The following LARP4B variants were observed in gnomAD, a reference collection of about 807,000 sequenced individuals.
LARP4B encodes la-related protein 4B.
In LARP4B, 12 loss-of-function variants were observed where a neutral mutation model predicts 89.8. The ratio of observed to expected loss-of-function variants is 0.13; its 90% confidence interval spans 0.09 to 0.22. The LOEUF (loss-of-function observed/expected upper bound fraction) is 0.22, where lower values mean the gene tolerates loss of function less well. Among genes scored for constraint, LARP4B ranks in the 10% least tolerant of loss-of-function variants. The pLI is 1.00. For missense variants in LARP4B, 757 were observed against 947.7 expected, an observed-to-expected ratio of 0.80 and a Z score of 2.64; for synonymous variants, 367 against 363.3, an observed-to-expected ratio of 1.01 and a Z score of -0.12.
At chr10:932,240 C>T (rs1438589643), upstream of LARP4B, among the ~76,000 whole-genome samples, 1 of 144,290 alleles carries the variant, frequency 6.9e-6, no homozygotes, top group East Asian at 2.1e-4. Context: ...ACCCAGGACA[C>T]GCCCTGGCCC....
At chr10:875,749 G>A (rs1290872312) in intron 3 of LARP4B, among the ~76,000 whole-genome samples, 1 of 152,170 alleles carries the variant, frequency 6.6e-6, no homozygotes, top group Non-Finnish European at 1.5e-5. Flanking sequence ...AGAGCCTGGT[G>A]TCCTTATCAC....
chr10:907,902 C>T (rs112691179), intron 1 of LARP4B, among the ~76,000 whole-genome samples: 10,405 of 152,204 alleles, frequency 0.068, 499 homozygotes, highest in Middle Eastern at 0.19. Flanking sequence ...GCCTATGTAA[C>T]GGAGTTTCCA....
chr10:962,261 G>A, the LARP4B span, among the ~76,000 whole-genome samples: 6 of 140,820 alleles, frequency 4.3e-5, no homozygotes, highest in Non-Finnish European at 7.5e-5. Flanking sequence ...ACACCATTGG[G>A]ACTCCAGCCT....
the LARP4B span, among the ~76,000 whole-genome samples, chr10:951,565 G>T: frequency 6.6e-6 from 1 of 152,036 alleles, no homozygotes; most frequent in Non-Finnish European, 1.5e-5. Flanking sequence ...AGTCCACTCT[G>T]CAGAGATGGC....
the LARP4B span, chr10:972,552 G>C: frequency 2.2e-6 from 1 of 457,242 alleles, no homozygotes; most frequent in South Asian, 1.5e-5. Flanking sequence ...GTAGAAGCCA[G>C]AGGAAGACAG....
chr10:948,763 T>G, the LARP4B span, among the ~76,000 whole-genome samples: 2 of 152,250 alleles, frequency 1.3e-5, no homozygotes, highest in African/African-American at 4.8e-5. Context: ...TGTACCACCT[T>G]TTGGTCTGGA....
intron 5 of LARP4B, among the ~76,000 whole-genome samples, chr10:846,792 C>T (rs917165161): frequency 6.6e-6 from 1 of 152,042 alleles, no homozygotes; most frequent in Non-Finnish European, 1.5e-5. Flanking sequence ...GTGCCGAAGC[C>T]ACAAGGGAAG....
chr10:958,385 C>T, the LARP4B span, among the ~76,000 whole-genome samples: 1 of 152,228 alleles, frequency 6.6e-6, no homozygotes, highest in East Asian at 1.9e-4. Flanking sequence ...AGTGCCTTGG[C>T]ACGCACCACT....
At chr10:983,575 T>G in the LARP4B span, among the ~76,000 whole-genome samples, 1 of 152,170 alleles carries the variant, frequency 6.6e-6, no homozygotes. Context: ...CTCTCCTTGG[T>G]GCAAGCATGG....
intron 1 of LARP4B, among the ~76,000 whole-genome samples, chr10:922,680 T>TA (rs1837013160): frequency 1.1e-5 from 1 of 87,092 alleles, no homozygotes; most frequent in Non-Finnish European, 2.7e-5. Context: ...GTCTGTTAAA[T>TA]AAATAAATAA....
chr10:942,901 C>T, the LARP4B span, among the ~76,000 whole-genome samples: 1 of 151,936 alleles, frequency 6.6e-6, no homozygotes. Flanking sequence ...CTGGGCCCTC[C>T]AGCCTCACTC....
At chr10:820,677 C>T (rs147045440) in intron 14 of LARP4B, 123 bp downstream of exon 14, 60 of 873,098 alleles carry the variant, frequency 6.9e-5, no homozygotes, top group African/African-American at 5.2e-4. Context: ...GTGGATTTCA[C>T]GTTACAAGTC....
chr10:821,875 G>A (rs1027182900), intron 13 of LARP4B, among the ~76,000 whole-genome samples: 1 of 152,226 alleles, frequency 6.6e-6, no homozygotes, highest in South Asian at 2.1e-4. Flanking sequence ...GTGCCTTGCG[G>A]AGACTGCAGG....
intron 3 of LARP4B, among the ~76,000 whole-genome samples, chr10:872,628 A>G (rs1321803915): frequency 6.6e-6 from 1 of 152,168 alleles, no homozygotes; most frequent in Non-Finnish European, 1.5e-5. Flanking sequence ...TCTACTAAAG[A>G]GTTTTTACAA....
intron 1 of LARP4B, among the ~76,000 whole-genome samples, chr10:904,792 A>T (rs1205470757): frequency 2.0e-5 from 3 of 152,068 alleles, no homozygotes; most frequent in Non-Finnish European, 4.4e-5. Context: ...ATGCTATGTC[A>T]TGTTCTTTAC....
chr10:935,722 CTTTTTTTTTT>C (rs10711022), upstream of LARP4B, among the ~76,000 whole-genome samples: 5 of 83,906 alleles, frequency 6.0e-5, no homozygotes, highest in South Asian at 9.9e-4. Flanking sequence ...CTTTTCTTTT[CTTTTTTTTTT>C]TTTTTTTTTT....
At chr10:895,611 T>G (rs1177889178) in intron 1 of LARP4B, among the ~76,000 whole-genome samples, 3 of 149,750 alleles carry the variant, frequency 2.0e-5, no homozygotes, top group African/African-American at 7.4e-5. Flanking sequence ...AGGTGGAGAT[T>G]GCAGTGAGCT....
rs1177272683 is a variant in LARP4B at position 866,373 on chromosome 10, T to C, written c.142-2103A>G. Among the ~76,000 whole-genome samples, 2 of 152,210 alleles carry C rather than the reference T, an allele frequency of 1.3e-5. 1 individual carries two copies. The highest frequency in any genetic ancestry group is 2.9e-5 in the Non-Finnish European group (2 of 68,038). ...TGCCCTCTTCTCTCTCATCCACCCATCTGTCCAACAAGTGCCTCTGACATG... is the reference window on the plus strand; with the variant it reads ...TGCCCTCTTCTCTCTCATCCACCCACCTGTCCAACAAGTGCCTCTGACATG... On this transcript the variant is annotated intron_variant, in intron 3 of 17. Transcript: ENST00000316157.
the LARP4B span, among the ~76,000 whole-genome samples, chr10:983,272 A>C: frequency 6.6e-6 from 1 of 152,184 alleles, no homozygotes; most frequent in African/African-American, 2.4e-5. Context: ...GGAAACATTT[A>C]ATTGTCAAAT....
Sources: allele counts gnomAD v4.1 joint callset (sites outside exome capture counted in the v4.1 genomes callset), GRCh38; gene constraint gnomAD v4.1.1; transcripts MANE v1.5; gene names NCBI Gene and HGNC (gene_info 2026-07-23, HGNC 2026-07-21).